The following MS4A12 variants were observed in gnomAD, a reference collection of about 807,000 sequenced individuals.
MS4A12 encodes membrane-spanning 4-domains subfamily A member 12.
In MS4A12, 28 loss-of-function variants were observed where a neutral mutation model predicts 23.7. That is an observed-to-expected ratio of 1.18 (90% CI 0.88 to 1.62). MS4A12 has a LOEUF of 1.62. Ranked by LOEUF, MS4A12 falls within the 40% of genes most tolerant of loss-of-function variation. The probability of loss-of-function intolerance (pLI) is 0.00; values close to 1 mark genes in which losing one functional copy is unlikely to be tolerated. For missense variants in MS4A12, 342 were observed against 327.0 expected (o/e 1.05, Z -0.35); for synonymous variants, 108 against 110.1 (o/e 0.98, Z 0.12).
At chr11:60,498,323 A>T (rs2086505179) in intron 2 of MS4A12, among the ~76,000 whole-genome samples, 1 of 152,186 alleles carries the variant, frequency 6.6e-6, no homozygotes. Context: ...GCATTCCGTA[A>T]ATGAATGCTC....
intron 1 of MS4A12, among the ~76,000 whole-genome samples, chr11:60,496,712 T>G (rs1314432690): frequency 6.6e-6 from 1 of 152,196 alleles, no homozygotes; most frequent in Non-Finnish European, 1.5e-5. Context: ...GACAGTTCTG[T>G]AGGTCAGAAT....
At chr11:60,496,521 A>G (rs1176492484) in intron 1 of MS4A12, among the ~76,000 whole-genome samples, 4 of 152,232 alleles carry the variant, frequency 2.6e-5, no homozygotes, top group African/African-American at 9.6e-5. Flanking sequence ...CAGAAGAATC[A>G]TCTTAAGTGG....
intron 1 of MS4A12, among the ~76,000 whole-genome samples, chr11:60,494,259 G>A (rs4939374): frequency 0.56 from 84,898 of 151,422 alleles, 23,853 homozygotes; most frequent in East Asian, 0.64. Context: ...TGGGTTCTAT[G>A]TGAAATTTAC....
chr11:60,504,920 C>T (rs2086559199), intron 5 of MS4A12, among the ~76,000 whole-genome samples: 1 of 152,274 alleles, frequency 6.6e-6, no homozygotes, highest in South Asian at 2.1e-4. Context: ...ATTGCTGGCA[C>T]ACTCTTTTTC....
At chr11:60,502,222 G>C (rs1346015362) in intron 4 of MS4A12, among the ~76,000 whole-genome samples, 183 bp downstream of exon 4, 1 of 152,210 alleles carries the variant, frequency 6.6e-6, no homozygotes, top group Non-Finnish European at 1.5e-5. Context: ...TTGCCACTAA[G>C]AAATGGCAGA....
At chr11:60,501,861 G>A (rs1439583065) in intron 3 of MS4A12, 122 bp from the exon 4 acceptor site, 13 of 843,106 alleles carry the variant, frequency 1.5e-5, no homozygotes, top group South Asian at 6.6e-5. Context: ...ATTCAGAAGT[G>A]CGAGAGAAAA....
chr11:60,493,801 G>T (rs1253055671), intron 1 of MS4A12, among the ~76,000 whole-genome samples: 1 of 152,128 alleles, frequency 6.6e-6, no homozygotes, highest in Admixed American at 6.6e-5. Context: ...TGAAAATGAG[G>T]TAGAAAGAAA....
At chr11:60,494,106 A>G (rs2086470387) in intron 1 of MS4A12, among the ~76,000 whole-genome samples, 1 of 152,254 alleles carries the variant, frequency 6.6e-6, no homozygotes, top group South Asian at 2.1e-4. Context: ...TGTATCATTT[A>G]CAGAATTGTC....
chr11:60,504,263 A>G (rs1005416813), intron 5 of MS4A12, among the ~76,000 whole-genome samples: 3 of 152,258 alleles, frequency 2.0e-5, no homozygotes, highest in Admixed American at 6.5e-5. Context: ...AAGCAATTGC[A>G]AAATGAAGCA....
Position 60,497,670 on chromosome 11 carries a change from A to T in MS4A12, c.276+76A>T, listed in dbSNP as rs770018067. 1.1e-5 allele frequency: 16 copies of T among 1,471,956 alleles called. No individual in the cohort carries two copies. The Admixed American group carries it at 3.0e-4, about 27-fold the overall frequency. 91.2% of individuals were successfully genotyped at this position (1,471,956 alleles called of 1,614,324 possible). On this transcript the variant is annotated intron_variant, in intron 2 of 6. Coordinates refer to ENST00000016913, the MANE Select transcript of MS4A12 (RefSeq NM_017716.3). ...TATAAGTTATAGGAGAGTATCATCC[A>T]ATTGCTAAAAAGTTCTGAACGTTAT...
At position 60,502,012 on chromosome 11, in the gene MS4A12, A is replaced by G. The variant is rs1334719730; in HGVS notation, c.444A>G (p.Ser148=). The G allele has an allele frequency of 6.2e-7, 1 of 1,613,244 alleles. No individual in the cohort carries two copies. The highest frequency in any genetic ancestry group is 8.5e-7 in the Non-Finnish European group (1 of 1,179,210). ...SFIISGSLSV[S]ASKELSRCLV... is the part of the protein sequence containing the mutation. ...TTATCTCTGGCTCTCTCTCTGTGTC[A>G]GCATCCAAGGAGCTTTCCCGTTGTC... The change falls in exon 4 of 7, where the codon TCA becomes TCG. Residue 148 remains serine (S), a synonymous_variant. Coordinates refer to ENST00000016913, the MANE Select transcript of MS4A12 (RefSeq NM_017716.3).
At chr11:60,503,238 C>T (rs1390736715) in intron 4 of MS4A12, among the ~76,000 whole-genome samples, 1 of 152,074 alleles carries the variant, frequency 6.6e-6, no homozygotes, top group Non-Finnish European at 1.5e-5. Flanking sequence ...TCATTAATTC[C>T]TAAATTTTTC....
chr11:60,501,632 T>C (rs1302286844), intron 3 of MS4A12, among the ~76,000 whole-genome samples: 1 of 152,062 alleles, frequency 6.6e-6, no homozygotes, highest in Non-Finnish European at 1.5e-5. Context: ...GGGAATTGCT[T>C]GAGTTCAAGA....
At chr11:60,495,024 G>A (rs1321415142) in intron 1 of MS4A12, among the ~76,000 whole-genome samples, 4 of 146,886 alleles carry the variant, frequency 2.7e-5, no homozygotes, top group African/African-American at 1.0e-4. Flanking sequence ...ATGGAGTCTC[G>A]CTCTGTCACC....
In MS4A12 at chr11:60,507,400, T is replaced by G. The variant is rs957714593; in HGVS notation, c.*276T>G. ...AGAAATGTTTCTGTTCATATTACTTTTTCCTTAATAAAATGTCATTAGAAA... is the reference window on the plus strand; with the variant it reads ...AGAAATGTTTCTGTTCATATTACTTGTTCCTTAATAAAATGTCATTAGAAA... On this transcript the variant is annotated 3_prime_UTR_variant, in exon 7 of 7. Transcript: ENST00000016913. The G allele has an allele frequency of 2.8e-6, 1 of 361,366 alleles. No homozygotes were observed. Among genetic ancestry groups the G allele is most frequent in the Non-Finnish European group, 5.0e-6 (1 of 200,232 alleles). The allele number at this position is 361,366 out of a possible 1,614,324, so 22.4% of individuals were successfully genotyped here.
intron 3 of MS4A12, among the ~76,000 whole-genome samples, chr11:60,501,644 A>G (rs1373719820): frequency 6.6e-6 from 1 of 152,064 alleles, no homozygotes; most frequent in Non-Finnish European, 1.5e-5. Context: ...AGTTCAAGAG[A>G]TGGAGGCCAG....
chr11:60,494,000 TA>T (rs1431639547), intron 1 of MS4A12, among the ~76,000 whole-genome samples: 4 of 152,206 alleles, frequency 2.6e-5, no homozygotes, highest in African/African-American at 7.2e-5. Context: ...AAAGGACAAC[TA>T]GGGGTAAATA....
At chr11:60,499,028 C>A (rs2086510768) in intron 2 of MS4A12, among the ~76,000 whole-genome samples, 3 of 152,172 alleles carry the variant, frequency 2.0e-5, no homozygotes, top group Admixed American at 2.0e-4. Context: ...GGATGAGGAA[C>A]CACTGAAGCA....
chr11:60,496,191 T>C (rs1259002500), intron 1 of MS4A12, among the ~76,000 whole-genome samples: 1 of 152,226 alleles, frequency 6.6e-6, no homozygotes, highest in African/African-American at 2.4e-5. Context: ...CCTTGTTAGA[T>C]ACCAGTGATA....
Sources: gnomAD v4.1 joint callset for allele counts (sites outside exome capture counted in the v4.1 genomes callset) on GRCh38, gnomAD v4.1.1 for gene constraint, MANE v1.5 for transcripts, NCBI Gene and HGNC (gene_info 2026-07-23, HGNC 2026-07-21) for gene names.